ATP8A2: variants seen among roughly 807,000 people sequenced by gnomAD.
ATP8A2 encodes the protein phospholipid-transporting ATPase IB.
Under a neutral mutation model 165.6 loss-of-function variants are expected in ATP8A2, and 100 were observed. The ratio of observed to expected loss-of-function variants is 0.60; its 90% CI spans 0.51 to 0.71. The LOEUF (loss-of-function observed/expected upper bound fraction) is 0.71, where lower values mean the gene tolerates loss of function less well. Ranked by LOEUF, ATP8A2 falls within the 30% of genes least tolerant of loss-of-function variation. The pLI, the probability that ATP8A2 is intolerant of heterozygous loss-of-function variation, is 0.00. For missense variants in ATP8A2, 1,227 were observed against 1,479.5 expected, an observed-to-expected ratio of 0.83 and a Z score of 2.80; for synonymous variants, 543 against 548.8, an observed-to-expected ratio of 0.99 and a Z score of 0.15.
chr13:26,018,803 G>A (rs1593724876), intron 36 of ATP8A2, among the ~76,000 whole-genome samples: 1 of 152,156 alleles, frequency 6.6e-6, no homozygotes, highest in Non-Finnish European at 1.5e-5. Flanking sequence ...AAAAATCTCT[G>A]TGCCTCAGTT....
At chr13:25,874,727 A>G (rs1413744012) in intron 33 of ATP8A2, among the ~76,000 whole-genome samples, 1 of 152,216 alleles carries the variant, frequency 6.6e-6, no homozygotes, top group African/African-American at 2.4e-5. Context: ...ATATACCCAA[A>G]AGGATTGAAA....
chr13:25,451,928 C>G (rs1593326157), intron 1 of ATP8A2, among the ~76,000 whole-genome samples: 1 of 151,388 alleles, frequency 6.6e-6, no homozygotes, highest in Non-Finnish European at 1.5e-5. Context: ...GATCTCGGCT[C>G]ACTGTGACCT....
intron 33 of ATP8A2, among the ~76,000 whole-genome samples, chr13:25,889,517 C>T (rs1953286678): frequency 6.6e-6 from 1 of 151,954 alleles, no homozygotes; most frequent in African/African-American, 2.4e-5. Context: ...TTAATGCTCT[C>T]CTTAAGAAGC....
intron 33 of ATP8A2, among the ~76,000 whole-genome samples, chr13:25,885,473 G>A (rs1211167409): frequency 6.6e-6 from 1 of 151,900 alleles, no homozygotes; most frequent in Non-Finnish European, 1.5e-5. Flanking sequence ...CTTCTTTTGG[G>A]GTGGCTGGCA....
At chr13:25,995,257 T>A (rs1056812424) in intron 35 of ATP8A2, among the ~76,000 whole-genome samples, 12 of 151,810 alleles carry the variant, frequency 7.9e-5, no homozygotes, top group Admixed American at 7.2e-4. Flanking sequence ...AATTTTATTG[T>A]TCTTTTCAAA....
At chr13:25,828,320 A>G in intron 28 of ATP8A2, 128 bp downstream of exon 28, 1 of 793,112 alleles carries the variant, frequency 1.3e-6, no homozygotes, top group East Asian at 2.5e-5. Flanking sequence ...GCACAAATAC[A>G]TCTTTGGGCC....
In ATP8A2 at chr13:25,530,068, T is replaced by C. The variant is rs1186488907; in HGVS notation, c.291T>C (p.Asn97=). 1 of 1,610,698 alleles carries C rather than the reference T, an allele frequency of 6.2e-7. No homozygotes were observed. Among genetic ancestry groups the C allele is most frequent in the East Asian group, 2.2e-5 (1 of 44,840 alleles). The change falls in exon 3 of 37, where the codon AAT becomes AAC. Residue 97 remains asparagine (N), a synonymous_variant. Transcript: ENST00000381655. The stretch of plus-strand genomic sequence containing the variant: ...ATGAGCAGATTAGAAGAGCTGCTAA[T>C]GCCTTCTTTCTCTTCATTGCCTTAT... ...FLYEQIRRAA[N]AFFLFIALLQ...
chr13:25,803,655 A>G (rs1950667841), intron 27 of ATP8A2, among the ~76,000 whole-genome samples: 1 of 152,208 alleles, frequency 6.6e-6, no homozygotes, highest in African/African-American at 2.4e-5. Context: ...TTAGTATTGA[A>G]GTTCTGCCAA....
intron 7 of ATP8A2, among the ~76,000 whole-genome samples, chr13:25,538,809 A>G (rs1047725452): frequency 2.0e-5 from 3 of 152,178 alleles, no homozygotes; most frequent in East Asian, 1.9e-4. Context: ...GATTGCAGAC[A>G]GCGTTTCTTG....
chr13:25,430,307 G>A (rs548855360), intron 1 of ATP8A2, among the ~76,000 whole-genome samples: 6 of 152,060 alleles, frequency 3.9e-5, no homozygotes, highest in Non-Finnish European at 8.8e-5. Context: ...GACATGGGGG[G>A]GCCCGTGTGG....
rs146314692 is a variant in ATP8A2 at position 25,752,431 on chromosome 13, C to T, written c.2385-16615C>T. ...CGAGATCATACTCTTGCACTCCAGC[C>T]GGGGCGACAGAGTGAGACTCTGAAA... On this transcript the variant is annotated intron_variant, in intron 25 of 36. Transcript: ENST00000381655. 3.0e-3 allele frequency among the ~76,000 whole-genome samples: 458 copies of T among 151,932 alleles called. 2 individuals carry two copies. The highest frequency in any genetic ancestry group is 1.0e-2 in the African/African-American group (414 of 41,420).
At chr13:25,724,048 TC>T (rs1434923119) in intron 25 of ATP8A2, among the ~76,000 whole-genome samples, 1 of 152,126 alleles carries the variant, frequency 6.6e-6, no homozygotes, top group East Asian at 1.9e-4. Flanking sequence ...GGGCCCTCAG[TC>T]CTACAGCTCT....
At position 25,750,801 on chromosome 13, in the gene ATP8A2, G is replaced by GA. The variant is rs113645249; in HGVS notation, c.2385-18235dup. Among the ~76,000 whole-genome samples, 93 of 147,684 alleles carry GA rather than the reference G, an allele frequency of 6.3e-4. No individual in the cohort carries two copies. Among genetic ancestry groups the GA allele is most frequent in the African/African-American group, 2.0e-3 (81 of 40,452 alleles). ...TTCTGTTTTGAAAGAGTTGCTTGGG[G>GA]AAAAAAAAAAGGAATCTTTTTGGAA... is the stretch of plus-strand genomic sequence containing the variant. On this transcript the variant is annotated intron_variant, in intron 25 of 36. Coordinates refer to ENST00000381655, the MANE Select transcript of ATP8A2 (RefSeq NM_016529.6). This position sits in a 1 kb window ranked among gnomAD's most constrained non-coding sequence, Gnocchi z 4.3.
rs1593254820 is a variant in ATP8A2, at chr13:25,399,462, G to C, written c.76+27174G>C. ...CGCCCAGGCTGGAGTGCAGTGGCGGGATCTCGGCTCACTGCAAGCTCCGCC... is the reference window on the plus strand; with the variant it reads ...CGCCCAGGCTGGAGTGCAGTGGCGGCATCTCGGCTCACTGCAAGCTCCGCC... On this transcript the variant is annotated intron_variant, in intron 1 of 36. Coordinates refer to ENST00000381655, the MANE Select transcript of ATP8A2 (RefSeq NM_016529.6). Among the ~76,000 whole-genome samples, 3 of 128,214 alleles carry C rather than the reference G, an allele frequency of 2.3e-5. No individual in the cohort carries two copies. The South Asian group carries it at 8.3e-4, about 36-fold the overall frequency. The allele number at this position is 128,214 out of a possible 152,430, so 84.1% of individuals were successfully genotyped here.
At chr13:25,382,587 C>G (rs921393602) in intron 1 of ATP8A2, among the ~76,000 whole-genome samples, 2 of 152,182 alleles carry the variant, frequency 1.3e-5, no homozygotes, top group African/African-American at 4.8e-5. Context: ...CATATCCTCA[C>G]CAGCATTTGG....
intron 33 of ATP8A2, among the ~76,000 whole-genome samples, chr13:25,911,166 A>T (rs1017968240): frequency 6.6e-6 from 1 of 152,120 alleles, no homozygotes; most frequent in Non-Finnish European, 1.5e-5. Context: ...GCTGACAGGG[A>T]TTGGCAAAAG....
At chr13:25,674,557 G>A (rs976140806) in intron 24 of ATP8A2, among the ~76,000 whole-genome samples, 1 of 152,130 alleles carries the variant, frequency 6.6e-6, no homozygotes, top group African/African-American at 2.4e-5. Context: ...GGGAAGTGGT[G>A]TATTTAGTGC....
At chr13:25,650,148 G>A (rs2041776412) in intron 24 of ATP8A2, among the ~76,000 whole-genome samples, 1 of 152,194 alleles carries the variant, frequency 6.6e-6, no homozygotes, top group African/African-American at 2.4e-5. Context: ...ATGGGGTGGG[G>A]CAATGTTGTC....
chr13:25,429,586 G>T (rs2034548468), intron 1 of ATP8A2, among the ~76,000 whole-genome samples: 1 of 152,048 alleles, frequency 6.6e-6, no homozygotes, highest in African/African-American at 2.4e-5. Context: ...TTAAAGAAAT[G>T]AGTCACCTTA....
Sources: gnomAD v4.1 joint callset for allele counts (sites outside exome capture counted in the v4.1 genomes callset) on GRCh38, gnomAD v4.1.1 for gene constraint, Gnocchi (gnomAD v3.1) non-coding constraint, MANE v1.5 for transcripts, NCBI Gene and HGNC (gene_info 2026-07-23, HGNC 2026-07-21) for gene names.